Variants in PKMYT1 observed in about 807,000 individuals in gnomAD.
PKMYT1 encodes the protein membrane-associated tyrosine- and threonine-specific cdc2-inhibitory kinase.
A neutral mutation model predicts 49.7 loss-of-function variants in PKMYT1; 35 were observed. That is an observed-to-expected ratio of 0.70 (90% confidence interval 0.54 to 0.93). The LOEUF (loss-of-function observed/expected upper bound fraction) is 0.93. PKMYT1 is among the 40% of genes least tolerant of loss of function. PKMYT1 has a pLI of 0.00. For missense variants in PKMYT1, 677 were observed against 673.1 expected, an observed-to-expected ratio of 1.01 and a Z score of -0.06; for synonymous variants, 331 against 287.6, an observed-to-expected ratio of 1.15 and a Z score of -1.53.
At position 2,976,810 on chromosome 16, in the gene PKMYT1, G is replaced by A. The variant is rs1487617232; in HGVS notation, c.232C>T (p.Gln78Ter). Reference sequence around the variant, plus strand: ...CCCCGGAATGACACCCGCCGGGGCTGCAGCTGGTGCCAGCCTGGGGTCCGA... The same window carrying A: ...CCCCGGAATGACACCCGCCGGGGCTACAGCTGGTGCCAGCCTGGGGTCCGA... ...PPRTPGWHQL[Q>*]PRRVSFRGEA... Residue 78 changes from glutamine (Q) to a stop codon, truncating the protein, a stop_gained, in exon 3 of 9, where the codon CAG (glutamine) becomes TAG (stop). Transcript: ENST00000262300. LOFTEE classifies it high-confidence loss of function. 3 of 1,574,424 alleles carry A rather than the reference G, an allele frequency of 1.9e-6. No individual in the cohort carries two copies. Among genetic ancestry groups the A allele is most frequent in the East Asian group, 2.3e-5 (1 of 43,170 alleles).
At chr16:2,973,929 G>T in intron 7 of PKMYT1, 71 bp downstream of exon 7, 2 of 1,514,024 alleles carry the variant, frequency 1.3e-6, no homozygotes, top group Non-Finnish European at 1.8e-6. Context: ...CATTCACCAC[G>T]AATCTCCATG....
rs1382463925 is a variant in PKMYT1, at chr16:2,976,776, G to A, written c.266C>T (p.Ser89Leu). The change falls in exon 3 of 9, where the codon TCA becomes TTA. Residue 89 changes from serine (S) to leucine (L), a missense_variant. Coordinates refer to ENST00000262300, the MANE Select transcript of PKMYT1 (RefSeq NM_004203.5). ...PRRVSFRGEA[S>L]ETLQSPGYDP... is the part of the protein sequence containing the mutation. ...ATACCCAGGGCTCTGCAGAGTCTCT[G>A]AGGCCTCGCCCCGGAATGACACCCG... The A allele has an allele frequency of 3.2e-6, 5 of 1,578,692 alleles. No individual in the cohort carries two copies. Among genetic ancestry groups the A allele is most frequent in the East Asian group, 2.3e-5 (1 of 43,704 alleles).
Position 2,973,203 on chromosome 16 carries a change from G to A in PKMYT1, c.1323C>T (p.Ser441=). Residue 441 remains serine (S), a synonymous_variant, in exon 8 of 9, where the codon TCC becomes TCT. Transcript: ENST00000262300. ...CAGTCCGGGCCAGGACAGCCTCAGGGGAGAGTGAAGGCCTGCAGGAGGGCA... is the reference window on the plus strand; with the variant it reads ...CAGTCCGGGCCAGGACAGCCTCAGGAGAGAGTGAAGGCCTGCAGGAGGGCA... ...WDDDSLGPSL[S]PEAVLARTVG... The A allele has an allele frequency of 6.6e-7, 1 of 1,508,634 alleles. No individual in the cohort carries two copies. The highest frequency in any genetic ancestry group is 1.3e-5 in the South Asian group (1 of 75,310). The allele number at this position is 1,508,634 out of a possible 1,614,324, so 93.5% of individuals were successfully genotyped here. A position where few individuals can be genotyped will look rare whatever the true frequency, so the allele number is the denominator to read the frequency against.
Position 2,975,484 on chromosome 16 carries a change from G to A in PKMYT1, c.707C>T (p.Pro236Leu), listed in dbSNP as rs1186726923. Residue 236 changes from proline to leucine, a missense_variant, in exon 4 of 9, where the codon CCT (proline) becomes CTT (leucine). Physicochemically the swap from Pro to Leu is moderately conservative, Grantham distance 98 (BLOSUM62 -3). Transcript: ENST00000262300. ...CCGGGGCCCCAGGAAGATGTTGGCAGGCTTGACATCAAGGTGCACCAGGCC... is the reference window on the plus strand; with the variant it reads ...CCGGGGCCCCAGGAAGATGTTGGCAAGCTTGACATCAAGGTGCACCAGGCC... ...SQGLVHLDVK[P>L]ANIFLGPRGR... 1 of 1,612,994 alleles carries A rather than the reference G, an allele frequency of 6.2e-7. No individual in the cohort carries two copies. The highest frequency in any genetic ancestry group is 2.2e-5 in the East Asian group (1 of 44,874).
intron 2 of PKMYT1, 182 bp downstream of exon 2, chr16:2,979,466 C>A: frequency 1.6e-6 from 1 of 619,692 alleles, no homozygotes; most frequent in South Asian, 1.9e-5. Context: ...GGAGACTCTT[C>A]CTCTGACTCT....
rs150117869 is a variant in PKMYT1, at chr16:2,973,425, G to A, written c.1311-210C>T. 430 of 1,532,526 alleles carry A rather than the reference G, an allele frequency of 2.8e-4. 2 individuals are homozygous for A. In the East Asian group the frequency reaches 1.0e-2, roughly 36 times the overall value. 94.9% of individuals were successfully genotyped at this position (1,532,526 alleles called of 1,614,324 possible). On this transcript the variant is annotated intron_variant, in intron 7 of 8. Transcript: ENST00000262300. ...CTGGCTGCACTCCAAGGCCCCCTCT[G>A]TCCTTTTCAGAACACATGGACTTGG... is the stretch of plus-strand genomic sequence containing the variant.
Position 2,976,723 on chromosome 16 carries a change from G to T in PKMYT1, c.319C>A (p.Gln107Lys). Residue 107 changes from glutamine (Q) to lysine (K), a missense_variant, in exon 3 of 9, where the codon CAG (glutamine) becomes AAG (lysine). Coordinates refer to ENST00000262300, the MANE Select transcript of PKMYT1 (RefSeq NM_004203.5). Reference sequence around the variant, plus strand: ...CGGCTGAGCCTCTGGAAGCTCTGCTGGAAGAAGGACTCTGGCCGGCTTGGG... The same window carrying T: ...CGGCTGAGCCTCTGGAAGCTCTGCTTGAAGAAGGACTCTGGCCGGCTTGGG... ...YDPSRPESFFQQSFQRLSRLG... is the reference protein window; with the variant it reads ...YDPSRPESFFKQSFQRLSRLG... 6.7e-7 allele frequency: 1 copy of T among 1,497,522 alleles called. No homozygotes were observed. Among genetic ancestry groups the T allele is most frequent in the Non-Finnish European group, 8.9e-7 (1 of 1,120,990 alleles). 92.8% of individuals were successfully genotyped at this position (1,497,522 alleles called of 1,614,324 possible).
rs143066337 is a variant in PKMYT1, at chr16:2,974,279, G to A, written c.1118C>T (p.Ala373Val). The change falls in exon 6 of 9, where the codon GCG becomes GTG. Residue 373 changes from alanine to valine, a missense_variant. By Grantham distance (64) the Ala-to-Val change is moderately conservative. Transcript: ENST00000262300. Reference sequence around the variant, plus strand: ...GGCCCACCCTCGGCTCAGGGCCTCCGCTGCCATGCACCACAGCACACCCCA... The same window carrying A: ...GGCCCACCCTCGGCTCAGGGCCTCCACTGCCATGCACCACAGCACACCCCA... ...RAWGVLWCMAAEALSRGWALW... is the reference protein window; with the variant it reads ...RAWGVLWCMAVEALSRGWALW... 2.1e-5 allele frequency: 33 copies of A among 1,576,946 alleles called. No homozygotes were observed. The East Asian group carries it at 3.1e-4, about 15-fold the overall frequency.
intron 2 of PKMYT1, 81 bp from the exon 3 acceptor site, chr16:2,977,112 C>G (rs1201485390): frequency 1.9e-6 from 3 of 1,570,386 alleles, no homozygotes; most frequent in Non-Finnish European, 2.6e-6. Flanking sequence ...AAAGAGGCCA[C>G]AGAAGAGAGC....
intron 4 of PKMYT1, 160 bp from the exon 5 acceptor site, chr16:2,974,816 A>G (rs527290230): frequency 3.3e-5 from 20 of 602,792 alleles, no homozygotes; most frequent in Middle Eastern, 4.4e-4. Flanking sequence ...AGGCCTGATC[A>G]TGAACCCTGG....
chr16:2,973,884 G>T (rs2072094229), intron 7 of PKMYT1, 116 bp downstream of exon 7: 2 of 1,162,614 alleles, frequency 1.7e-6, no homozygotes, highest in Non-Finnish European at 2.5e-6. Flanking sequence ...CCTTCCCCAG[G>T]ATGTGATGGG....
At position 2,973,178 on chromosome 16, in the gene PKMYT1, C is replaced by T. The variant is rs2072053503; in HGVS notation, c.1348G>A (p.Val450Met). 4 of 1,525,086 alleles carry T rather than the reference C, an allele frequency of 2.6e-6. No homozygotes were observed. The highest frequency in any genetic ancestry group is 2.0e-5 in the Admixed American group (1 of 49,216). 94.5% of individuals were successfully genotyped at this position (1,525,086 alleles called of 1,614,324 possible). ...LSPEAVLARTVGSTSTPRSRC... is the reference protein window; with the variant it reads ...LSPEAVLARTMGSTSTPRSRC... ...CTCCGGGGGGTGGAGGTGCTCCCCACAGTCCGGGCCAGGACAGCCTCAGGG... is the reference window on the plus strand; with the variant it reads ...CTCCGGGGGGTGGAGGTGCTCCCCATAGTCCGGGCCAGGACAGCCTCAGGG... The change falls in exon 8 of 9, where the codon GTG (valine) becomes ATG (methionine). Residue 450 changes from valine to methionine, a missense_variant. Coordinates refer to ENST00000262300, the MANE Select transcript of PKMYT1 (RefSeq NM_004203.5).
At chr16:2,977,296 G>A (rs1260226691) in intron 2 of PKMYT1, 9 of 1,298,788 alleles carry the variant, frequency 6.9e-6, no homozygotes, top group Non-Finnish European at 8.9e-6. Context: ...GGGTCTTGCA[G>A]TCGGGTTAAG....
chr16:2,977,981 C>T (rs1168100209), intron 2 of PKMYT1, among the ~76,000 whole-genome samples: 1 of 152,186 alleles, frequency 6.6e-6, no homozygotes. Context: ...AGGCTGGGAA[C>T]ATGGAGCCCC....
chr16:2,974,596 G>A lies in PKMYT1; in HGVS notation c.933C>T (p.Gly311=). The A allele has an allele frequency of 6.3e-7, 1 of 1,584,046 alleles. No homozygotes were observed. Among genetic ancestry groups the A allele is most frequent in the Non-Finnish European group, 8.6e-7 (1 of 1,165,572 alleles). The stretch of plus-strand genomic sequence containing the variant: ...GGTAGCCCTGGCGCAGCTGCTGCCA[G>A]CCCTCCCCACCGTGGGGCAGCTCCA... The part of the protein sequence containing the change: ...CNMELPHGGE[G]WQQLRQGYLP... Residue 311 remains glycine (G), a synonymous_variant, in exon 5 of 9, where the codon GGC becomes GGT. Coordinates refer to ENST00000262300, the MANE Select transcript of PKMYT1 (RefSeq NM_004203.5).
chr16:2,979,339 A>AT (rs1258903554), intron 2 of PKMYT1: 1 of 269,478 alleles, frequency 3.7e-6, no homozygotes, highest in Non-Finnish European at 7.0e-6. Flanking sequence ...ATCTCAAAAA[A>AT]ATATACATAA....
At position 2,977,417 on chromosome 16, in the gene PKMYT1, T is replaced by C. The variant is rs1363939043; in HGVS notation, c.11-386A>G. On this transcript the variant is annotated intron_variant, in intron 2 of 8. Coordinates refer to ENST00000262300, the MANE Select transcript of PKMYT1 (RefSeq NM_004203.5). ...CTTCCGAGACTACACGGGCCCACGA[T>C]CCCTTATCTCCAATTCCAAAGTGAA... 2.4e-5 allele frequency: 24 copies of C among 1,008,768 alleles called. No individual in the cohort carries two copies. The South Asian group carries it at 1.1e-3, about 44-fold the overall frequency. 62.5% of individuals were successfully genotyped at this position (1,008,768 alleles called of 1,614,324 possible).
chr16:2,972,875 C>T lies in PKMYT1; in HGVS notation c.*78G>A. 2 of 1,538,252 alleles carry T rather than the reference C, an allele frequency of 1.3e-6. No homozygotes were observed. Among genetic ancestry groups the T allele is most frequent in the Non-Finnish European group, 1.8e-6 (2 of 1,136,016 alleles). On this transcript the variant is annotated 3_prime_UTR_variant, in exon 9 of 9. Coordinates refer to ENST00000262300, the MANE Select transcript of PKMYT1 (RefSeq NM_004203.5). ...CAGGCAGAGAAGACCATGGGAGTTC[C>T]CGAGGGGCCCCAGCTTTCAAGGGCG...
rs1304524138 is a variant in PKMYT1, at chr16:2,974,581, G to A, written c.948C>T (p.Arg316=). 3.8e-6 allele frequency: 6 copies of A among 1,582,390 alleles called. No homozygotes were observed. Among genetic ancestry groups the A allele is most frequent in the Non-Finnish European group, 5.2e-6 (6 of 1,164,656 alleles). The part of the protein sequence containing the change: ...PHGGEGWQQL[R]QGYLPPEFTA... ...TGAACTCAGGGGGCAGGTAGCCCTG[G>A]CGCAGCTGCTGCCAGCCCTCCCCAC... Residue 316 remains arginine, a synonymous_variant, in exon 5 of 9, where the codon CGC becomes CGT. Coordinates refer to ENST00000262300, the MANE Select transcript of PKMYT1 (RefSeq NM_004203.5).
Sources: allele counts gnomAD v4.1 joint callset (sites outside exome capture counted in the v4.1 genomes callset), GRCh38; gene constraint gnomAD v4.1.1; transcripts MANE v1.5; gene names NCBI Gene and HGNC (gene_info 2026-07-23, HGNC 2026-07-21).